SYNPR: variants seen among roughly 807,000 people sequenced by gnomAD.
The protein encoded by SYNPR is synaptoporin.
In SYNPR, 23 loss-of-function variants were observed where a neutral mutation model predicts 32.9. The observed-to-expected ratio is 0.70, with a 90% CI of 0.50 to 0.99. The LOEUF is 0.99. SYNPR is among the 50% of genes least tolerant of loss of function. The pLI, the probability that SYNPR is intolerant of heterozygous loss-of-function variation, is 0.00. For synonymous variants in SYNPR, 146 were observed against 135.9 expected, an observed-to-expected ratio of 1.07 and a Z score of -0.52; for missense variants, 318 against 349.3, an observed-to-expected ratio of 0.91 and a Z score of 0.71.
chr3:63,402,831 T>C (rs1375057253), intron 2 of SYNPR, among the ~76,000 whole-genome samples: 1 of 152,088 alleles, frequency 6.6e-6, no homozygotes, highest in African/African-American at 2.4e-5. Context: ...GCACTTGACA[T>C]AGTCATTGCA....
At chr3:63,230,224 T>A (rs1196267233) in intron 1 of SYNPR, among the ~76,000 whole-genome samples, 1 of 152,172 alleles carries the variant, frequency 6.6e-6, no homozygotes, top group East Asian at 1.9e-4. Context: ...ATATCTGAAA[T>A]AACACTTTTG....
intron 2 of SYNPR, among the ~76,000 whole-genome samples, chr3:63,390,934 G>A (rs777692224): frequency 6.6e-6 from 1 of 152,190 alleles, no homozygotes; most frequent in Non-Finnish European, 1.5e-5. Context: ...CCATGCAGCT[G>A]GAAATCACTC....
At chr3:63,542,270 G>A (rs895508429) in intron 3 of SYNPR, among the ~76,000 whole-genome samples, 1 of 152,048 alleles carries the variant, frequency 6.6e-6, no homozygotes, top group African/African-American at 2.4e-5. Flanking sequence ...CATGATAATT[G>A]ATCAGATCTA....
rs1294507976 is a variant in SYNPR at position 63,278,554 on chromosome 3, G to A, written c.18+3G>A. The stretch of plus-strand genomic sequence containing the variant: ...GAGCTATGGACCCTGTGAGTCAGGT[G>A]AGACAGAACTGGGCAGGGCGGCTGG... On this transcript the variant is annotated splice_donor_region_variant and intron_variant, in intron 1 of 5. Coordinates refer to ENST00000478300, the MANE Select transcript of SYNPR (RefSeq NM_001130003.2). 6 of 1,551,014 alleles carry A rather than the reference G, an allele frequency of 3.9e-6. No homozygotes were observed. In the East Asian group the frequency reaches 7.3e-5, roughly 19 times the overall value.
At chr3:63,253,526 A>G (rs558434905) in intron 2 of SYNPR, among the ~76,000 whole-genome samples, 3 of 152,238 alleles carry the variant, frequency 2.0e-5, no homozygotes, top group Non-Finnish European at 4.4e-5. Flanking sequence ...GTTTAAAAAT[A>G]TTGATGTATA....
At chr3:63,448,415 T>G (rs1700319245) in intron 2 of SYNPR, among the ~76,000 whole-genome samples, 1 of 152,218 alleles carries the variant, frequency 6.6e-6, no homozygotes, top group South Asian at 2.1e-4. Context: ...AAATATGGCT[T>G]TCAGAATATA....
chr3:63,352,029 G>T (rs1372945919), intron 2 of SYNPR, among the ~76,000 whole-genome samples: 1 of 152,120 alleles, frequency 6.6e-6, no homozygotes, highest in Non-Finnish European at 1.5e-5. Flanking sequence ...CGACCTGAAG[G>T]AAAGGAAGAA....
the SYNPR span, among the ~76,000 whole-genome samples, chr3:63,221,868 A>AT: frequency 1.3e-5 from 2 of 152,090 alleles, no homozygotes; most frequent in African/African-American, 4.8e-5. Flanking sequence ...AGGGATAACT[A>AT]AATTAAATAT....
intron 2 of SYNPR, among the ~76,000 whole-genome samples, chr3:63,358,875 G>T (rs1309920995): frequency 6.6e-6 from 1 of 152,094 alleles, no homozygotes; most frequent in Non-Finnish European, 1.5e-5. Flanking sequence ...GGCTGAGCTA[G>T]GATAGTAACC....
intron 2 of SYNPR, among the ~76,000 whole-genome samples, chr3:63,326,617 T>C (rs2087171334): frequency 6.6e-6 from 1 of 152,162 alleles, no homozygotes; most frequent in Non-Finnish European, 1.5e-5. Context: ...CAGTCTTATC[T>C]AGAAGCCCAG....
intron 4 of SYNPR, among the ~76,000 whole-genome samples, chr3:63,559,893 G>A (rs1362085155): frequency 6.6e-6 from 1 of 152,142 alleles, no homozygotes; most frequent in Non-Finnish European, 1.5e-5. Context: ...ATGCTCACAG[G>A]ACTTTTAAGC....
intron 2 of SYNPR, among the ~76,000 whole-genome samples, chr3:63,365,387 C>T (rs766113721): frequency 2.0e-5 from 3 of 152,058 alleles, no homozygotes; most frequent in African/African-American, 4.8e-5. Flanking sequence ...GGGAGAGTAG[C>T]GACAGTTCAG....
intron 2 of SYNPR, among the ~76,000 whole-genome samples, chr3:63,279,457 T>A (rs2106916566): frequency 6.6e-6 from 1 of 152,276 alleles, no homozygotes; most frequent in African/African-American, 2.4e-5. Flanking sequence ...TCCACTTCCG[T>A]GAAACCACCC....
intron 3 of SYNPR, among the ~76,000 whole-genome samples, chr3:63,527,720 C>A (rs909817007): frequency 4.6e-5 from 7 of 152,190 alleles, no homozygotes; most frequent in Admixed American, 1.3e-4. Context: ...TCCCCTTCCC[C>A]TGCTGTTTAA....
chr3:63,482,056 GAGAGT>G (rs1701060608), intron 3 of SYNPR, among the ~76,000 whole-genome samples: 1 of 152,160 alleles, frequency 6.6e-6, no homozygotes, highest in Non-Finnish European at 1.5e-5. Context: ...CAAACTGGAG[GAGAGT>G]AATCAAGAGA....
chr3:63,432,658 A>T (rs891958088), intron 2 of SYNPR, among the ~76,000 whole-genome samples: 8 of 152,184 alleles, frequency 5.3e-5, no homozygotes, highest in African/African-American at 1.9e-4. Flanking sequence ...GACCCAGATA[A>T]GAAAGAGGTA....
chr3:63,363,550 G>T (rs2087690225), intron 2 of SYNPR, among the ~76,000 whole-genome samples: 1 of 152,152 alleles, frequency 6.6e-6, no homozygotes, highest in South Asian at 2.1e-4. Context: ...AAACACGTAG[G>T]TTTGGGTTGT....
At chr3:63,201,039 G>A in the SYNPR span, among the ~76,000 whole-genome samples, 1 of 152,074 alleles carries the variant, frequency 6.6e-6, no homozygotes, top group African/African-American at 2.4e-5. Context: ...GTATGGATTA[G>A]GTTCTGAAAT....
At position 63,464,736 on chromosome 3, in the gene SYNPR, T is replaced by C. The variant is rs148307929; in HGVS notation, c.85-16096T>C. ...GTTTTCTCCAGCTCATGCAAATCATTTCTTTTAGAATTGTGTCACTAATTT... is the reference window on the plus strand; with the variant it reads ...GTTTTCTCCAGCTCATGCAAATCATCTCTTTTAGAATTGTGTCACTAATTT... On this transcript the variant is annotated intron_variant, in intron 2 of 5. Transcript: ENST00000478300. 5.8e-4 allele frequency among the ~76,000 whole-genome samples: 88 copies of C among 152,318 alleles called. 1 individual carries two copies. Among genetic ancestry groups the C allele is most frequent in the African/African-American group, 2.0e-3 (85 of 41,584 alleles).
Sources: allele counts gnomAD v4.1 joint callset (sites outside exome capture counted in the v4.1 genomes callset), GRCh38; gene constraint gnomAD v4.1.1; transcripts MANE v1.5; gene names NCBI Gene and HGNC (gene_info 2026-07-23, HGNC 2026-07-21).